FKBP11: variants seen among roughly 807,000 people sequenced by gnomAD.
FKBP11 encodes FKBP prolyl isomerase 11, also known as peptidyl-prolyl cis-trans isomerase FKBP11.
Under a neutral mutation model 24.7 loss-of-function variants are expected in FKBP11, and 21 were observed. The ratio of observed to expected loss-of-function variants is 0.85; its 90% CI spans 0.60 to 1.23. The LOEUF (loss-of-function observed/expected upper bound fraction) is 1.23. Among genes scored for constraint, FKBP11 ranks in the 50% most tolerant of loss-of-function variants. The pLI, the probability that FKBP11 is intolerant of heterozygous loss-of-function variation, is 0.00. For missense variants in FKBP11, 245 were observed against 248.7 expected (o/e 0.99, Z 0.10); for synonymous variants, 106 against 100.6 (o/e 1.05, Z -0.32).
chr12:48,938,345 C>T, the FKBP11 span: 1 of 453,932 alleles, frequency 2.2e-6, no homozygotes, highest in Non-Finnish European at 4.4e-6. Flanking sequence ...TTCCCTTAAT[C>T]TCACCAACAC....
intron 2 of FKBP11, 194 bp from the exon 3 acceptor site, chr12:48,924,842 G>T: frequency 2.1e-6 from 3 of 1,444,276 alleles, no homozygotes; most frequent in South Asian, 2.9e-5. Flanking sequence ...GCACTTCTCC[G>T]TGCCAGGTAG....
chr12:48,923,218 G>A (rs560007635), intron 5 of FKBP11: 2 of 1,272,754 alleles, frequency 1.6e-6, no homozygotes, highest in South Asian at 1.8e-5. Flanking sequence ...TAGAACATTT[G>A]TTAGAACTGA....
rs1313724528 is a variant in FKBP11, at chr12:48,925,454, G to A, written c.-26C>T. The A allele has an allele frequency of 1.9e-6, 3 of 1,546,548 alleles. No homozygotes were observed. The highest frequency in any genetic ancestry group is 2.6e-6 in the Non-Finnish European group (3 of 1,147,504). Reference sequence around the variant, plus strand: ...GACTGGGCGCGGGGCAGGGAGCCGGGGCACCAGGACAGGCTGTTCGGGTGG... The same window carrying A: ...GACTGGGCGCGGGGCAGGGAGCCGGAGCACCAGGACAGGCTGTTCGGGTGG... On this transcript the variant is annotated 5_prime_UTR_variant, in exon 1 of 6. Coordinates refer to ENST00000550765, the MANE Select transcript of FKBP11 (RefSeq NM_016594.3).
chr12:48,922,739 G>A, intron 5 of FKBP11: 1 of 997,048 alleles, frequency 1.0e-6, no homozygotes, highest in African/African-American at 1.7e-5. Context: ...GTGGGCAGAA[G>A]AGGTACAAAT....
At chr12:48,928,173 T>C (rs1940004698), upstream of FKBP11, among the ~76,000 whole-genome samples, 1 of 144,814 alleles carries the variant, frequency 6.9e-6, no homozygotes, top group Admixed American at 7.0e-5. Context: ...GCCTCCCAAG[T>C]AGCTGGGACC....
At chr12:48,927,915 C>T (rs535985670), upstream of FKBP11, among the ~76,000 whole-genome samples, 3 of 152,026 alleles carry the variant, frequency 2.0e-5, no homozygotes, top group South Asian at 6.2e-4. Flanking sequence ...CTATCTGAAG[C>T]CCCATTCTTT....
chr12:48,924,522 G>A (rs1420075518), intron 3 of FKBP11, 39 bp downstream of exon 3: 1 of 1,572,184 alleles, frequency 6.4e-7, no homozygotes, highest in Admixed American at 1.7e-5. Context: ...AAAGGGCTTA[G>A]GTTGGGAAGA....
rs1368056515 is a variant in FKBP11 at position 48,924,205 on chromosome 12, C to G, written c.317+18G>C. 1 of 1,614,102 alleles carries G rather than the reference C, an allele frequency of 6.2e-7. No individual in the cohort carries two copies. Among genetic ancestry groups the G allele is most frequent in the South Asian group, 1.1e-5 (1 of 91,076 alleles). ...ATGCAAAGGGGGTACCCAGGCCCAC[C>G]CCTGCCGAGATACTCACCCCACACA... On this transcript the variant is annotated intron_variant, in intron 4 of 5. Transcript: ENST00000550765.
upstream of FKBP11, chr12:48,926,540 T>TTTTTAAGG (rs1939970678): frequency 6.9e-6 from 1 of 144,198 alleles, no homozygotes; most frequent in Non-Finnish European, 1.5e-5. Flanking sequence ...TTTTTTTTTT[T>TTTTTAAGG]GAGGGGGAGG....
intron 5 of FKBP11, 86 bp from the exon 6 acceptor site, chr12:48,922,287 C>T (rs1939854927): frequency 1.6e-6 from 2 of 1,230,988 alleles, no homozygotes; most frequent in African/African-American, 1.5e-5. Context: ...GAGCGTAGGC[C>T]ACAGCAAAGC....
chr12:48,932,255 ATATATATTTTTTTTTTTTTT>A, the FKBP11 span, among the ~76,000 whole-genome samples: 299 of 37,550 alleles, frequency 8.0e-3, no homozygotes, highest in East Asian at 0.013. Flanking sequence ...ATATATATAT[ATATATATTTTTTTTTTTTTT>A]TTTTTTTTTT....
At chr12:48,922,253 G>T in intron 5 of FKBP11, 52 bp from the exon 6 acceptor site, 2 of 1,518,068 alleles carry the variant, frequency 1.3e-6, no homozygotes, top group Non-Finnish European at 9.0e-7. Context: ...TTTATCCAGG[G>T]CTCAGAATCT....
chr12:48,933,296 G>A, the FKBP11 span, among the ~76,000 whole-genome samples: 10 of 152,100 alleles, frequency 6.6e-5, no homozygotes, highest in African/African-American at 1.2e-4. Flanking sequence ...GCGGGCATCC[G>A]GATCCTATCA....
chr12:48,922,038 T>G lies in FKBP11; in HGVS notation c.552A>C (p.Lys184Asn). The G allele has an allele frequency of 6.2e-7, 1 of 1,613,886 alleles. No individual in the cohort carries two copies. The highest frequency in any genetic ancestry group is 1.7e-5 in the Admixed American group (1 of 60,020). The change falls in exon 6 of 6, where the codon AAA becomes AAC. Residue 184 changes from lysine (K) to asparagine (N), a missense_variant. Lys to Asn is a moderately conservative substitution (Grantham distance 94). Coordinates refer to ENST00000550765, the MANE Select transcript of FKBP11 (RefSeq NM_016594.3). ...CTTCCTTGAGCTTCTTTTTGGAGAC[T>G]TTGGGTCTATTGGCCTTTCTGTATA... The part of the protein sequence containing the change: ...YHLYRKANRP[K>N]VSKKKLKEEK...
At chr12:48,926,681 CAG>C (rs1939974501), upstream of FKBP11, among the ~76,000 whole-genome samples, 1 of 151,452 alleles carries the variant, frequency 6.6e-6, no homozygotes, top group Non-Finnish European at 1.5e-5. Flanking sequence ...TTAGTAAAGA[CAG>C]GGTTTCTCCA....
upstream of FKBP11, among the ~76,000 whole-genome samples, chr12:48,930,867 G>A (rs557901995): frequency 2.0e-5 from 3 of 152,272 alleles, no homozygotes; most frequent in South Asian, 2.1e-4. Flanking sequence ...AGTGGCTCAC[G>A]CCTGTAATCC....
rs773846669 is a variant in FKBP11 at position 48,922,052 on chromosome 12, C to A, written c.538G>T (p.Ala180Ser). 9 of 1,613,928 alleles carry A rather than the reference C, an allele frequency of 5.6e-6. No homozygotes were observed. In the South Asian group the frequency reaches 9.9e-5, roughly 18 times the overall value. The part of the protein sequence containing the change: ...GLIGYHLYRK[A>S]NRPKVSKKKL... ...TTTTTGGAGACTTTGGGTCTATTGG[C>A]CTTTCTGTATAGGTGATACCCAATG... The change falls in exon 6 of 6, where the codon GCC becomes TCC. Residue 180 changes from alanine to serine, a missense_variant. Coordinates refer to ENST00000550765, the MANE Select transcript of FKBP11 (RefSeq NM_016594.3).
chr12:48,928,693 G>A (rs1028111178), upstream of FKBP11, among the ~76,000 whole-genome samples: 10 of 151,912 alleles, frequency 6.6e-5, no homozygotes, highest in East Asian at 5.8e-4. Flanking sequence ...CGGCCAGGCC[G>A]GTGTTGAACT....
upstream of FKBP11, chr12:48,926,536 T>TTTTG (rs1939970493): frequency 6.7e-6 from 1 of 149,742 alleles, no homozygotes; most frequent in East Asian, 2.0e-4. Flanking sequence ...TTTTTTTTTT[T>TTTTG]TTTTGAGGGG....
Sources: gnomAD v4.1 joint callset for allele counts (sites outside exome capture counted in the v4.1 genomes callset) on GRCh38, gnomAD v4.1.1 for gene constraint, MANE v1.5 for transcripts, NCBI Gene and HGNC (gene_info 2026-07-23, HGNC 2026-07-21) for gene names.